Variants in LAMA2 observed in about 807,000 individuals in gnomAD.
LAMA2 encodes the protein laminin subunit alpha-2.
Under a neutral mutation model 364.8 loss-of-function variants are expected in LAMA2, and 269 were observed. The observed-to-expected ratio is 0.74, with a 90% CI of 0.67 to 0.82. The LOEUF (loss-of-function observed/expected upper bound fraction) is 0.82. Among genes scored for constraint, LAMA2 ranks in the 40% least tolerant of loss-of-function variants. The pLI is 0.00. For synonymous variants in LAMA2, 1,379 were observed against 1,370.6 expected, an observed-to-expected ratio of 1.01 and a Z score of -0.14; for missense variants, 3,807 against 3,873.2, an observed-to-expected ratio of 0.98 and a Z score of 0.45.
chr6:129,259,378 AC>A (rs1285228564), intron 14 of LAMA2, among the ~76,000 whole-genome samples: 1 of 152,104 alleles, frequency 6.6e-6, no homozygotes, highest in African/African-American at 2.4e-5. Flanking sequence ...TGAGAAAGGA[AC>A]TGAAAAATGC....
intron 58 of LAMA2, among the ~76,000 whole-genome samples, chr6:129,499,145 AT>A (rs2114877528): frequency 6.6e-6 from 1 of 152,304 alleles, no homozygotes; most frequent in South Asian, 2.1e-4. Flanking sequence ...AAACAAGCGT[AT>A]CTGTCCTCCT....
Position 129,252,135 on chromosome 6 carries a change from T to A in LAMA2, c.1936T>A (p.Ser646Thr), listed in dbSNP as rs933984722. 11 of 1,613,834 alleles carry A rather than the reference T, an allele frequency of 6.8e-6. No individual in the cohort carries two copies. The highest frequency in any genetic ancestry group is 9.3e-6 in the Non-Finnish European group (11 of 1,179,818). Residue 646 changes from serine (S) to threonine (T), a missense_variant, in exon 14 of 65, where the codon TCT (serine) becomes ACT (threonine). Ser to Thr is a moderately conservative substitution (Grantham distance 58). Coordinates refer to ENST00000421865, the MANE Select transcript of LAMA2 (RefSeq NM_000426.4). ...TAQDEVYLHP[S>T]EEHTNVLLLK... ...CCAAGATGAGGTGTACCTGCACCCA[T>A]CTGAAGAACATACTAATGTATTGTT...
chr6:129,430,643 G>A (rs1233757934), intron 41 of LAMA2, among the ~76,000 whole-genome samples: 1 of 152,140 alleles, frequency 6.6e-6, no homozygotes, highest in Admixed American at 6.6e-5. Context: ...ACCACCAGGT[G>A]AATGAACACT....
intron 1 of LAMA2, 135 bp downstream of exon 1, chr6:128,883,492 G>A: frequency 1.4e-6 from 2 of 1,428,140 alleles, no homozygotes; most frequent in Non-Finnish European, 1.9e-6. Context: ...TGGGGCAAGA[G>A]GAACTTGAAG....
intron 1 of LAMA2, among the ~76,000 whole-genome samples, chr6:128,993,380 G>A (rs1396292178): frequency 6.6e-6 from 1 of 152,086 alleles, no homozygotes; most frequent in East Asian, 1.9e-4. Flanking sequence ...GTGTTGCTAG[G>A]CAACCCGAGG....
chr6:129,352,559 G>A (rs78635757), intron 31 of LAMA2, among the ~76,000 whole-genome samples: 1,906 of 152,190 alleles, frequency 0.013, 46 homozygotes, highest in African/African-American at 0.044. Flanking sequence ...AAAATTAATG[G>A]GTTGTATTAT....
At chr6:129,504,073 G>A (rs1450686547) in intron 60 of LAMA2, among the ~76,000 whole-genome samples, 2 of 152,174 alleles carry the variant, frequency 1.3e-5, no homozygotes, top group African/African-American at 4.8e-5. Flanking sequence ...TTAATTTTCA[G>A]AGTACGATAT....
chr6:129,438,256 C>CAA (rs1781932111), intron 41 of LAMA2, among the ~76,000 whole-genome samples: 1 of 151,600 alleles, frequency 6.6e-6, no homozygotes, highest in Non-Finnish European at 1.5e-5. Flanking sequence ...AAATCTAATC[C>CAA]AATGATTCAT....
intron 2 of LAMA2, among the ~76,000 whole-genome samples, chr6:129,057,138 A>G (rs939557870): frequency 1.3e-5 from 2 of 152,002 alleles, no homozygotes; most frequent in Non-Finnish European, 2.9e-5. Flanking sequence ...TTGTTTTTTC[A>G]AATGTTTTAC....
chr6:129,301,090 C>G (rs1038979312), intron 22 of LAMA2, among the ~76,000 whole-genome samples: 3 of 151,982 alleles, frequency 2.0e-5, no homozygotes, highest in Admixed American at 1.3e-4. Context: ...TTGAAATCTA[C>G]AAGAGGGGTA....
At chr6:129,482,447 A>G (rs1177271159) in intron 55 of LAMA2, among the ~76,000 whole-genome samples, 2 of 152,110 alleles carry the variant, frequency 1.3e-5, no homozygotes, top group African/African-American at 4.8e-5. Context: ...GTAATTTTCC[A>G]TTTAATCTAG....
chr6:128,908,327 T>G (rs1777640769), intron 1 of LAMA2, among the ~76,000 whole-genome samples: 1 of 151,646 alleles, frequency 6.6e-6, no homozygotes, highest in South Asian at 2.1e-4. Flanking sequence ...GTTATTTGTC[T>G]ATTCAGAGAT....
intron 12 of LAMA2, 77 bp downstream of exon 12, chr6:129,192,930 T>A: frequency 7.2e-7 from 1 of 1,394,598 alleles, no homozygotes; most frequent in Non-Finnish European, 9.9e-7. Context: ...GTAATTCTTT[T>A]AAAGAAAGAC....
intron 16 of LAMA2, among the ~76,000 whole-genome samples, chr6:129,268,810 A>G (rs1787712362): frequency 1.3e-5 from 2 of 152,102 alleles, no homozygotes; most frequent in Admixed American, 6.6e-5. Context: ...ATTTTCCATC[A>G]TAGCTAGTAA....
In LAMA2 at chr6:129,366,202, T is replaced by A. The variant is rs1054246127; in HGVS notation, c.4718-17T>A. 1 of 1,613,742 alleles carries A rather than the reference T, an allele frequency of 6.2e-7. No individual in the cohort carries two copies. The highest frequency in any genetic ancestry group is 8.5e-7 in the Non-Finnish European group (1 of 1,179,916). On this transcript the variant is annotated splice_polypyrimidine_tract_variant and intron_variant, in intron 32 of 64. Coordinates refer to ENST00000421865, the MANE Select transcript of LAMA2 (RefSeq NM_000426.4). ...GTTTAGCAGAAGTAACTACTCTTTG[T>A]CACTTCTCTTTCACAGTTTGTGGAG...
At chr6:128,943,479 A>G (rs1481824401) in intron 1 of LAMA2, among the ~76,000 whole-genome samples, 3 of 150,912 alleles carry the variant, frequency 2.0e-5, no homozygotes, top group Non-Finnish European at 4.4e-5. Context: ...TTTTGAAGAG[A>G]CAGGGTTTTG....
intron 1 of LAMA2, among the ~76,000 whole-genome samples, chr6:128,915,944 A>G (rs756519985): frequency 1.3e-5 from 2 of 152,232 alleles, no homozygotes; most frequent in African/African-American, 2.4e-5. Context: ...CTAAAATAAG[A>G]TGTGTAATAC....
At chr6:129,145,058 G>C (rs1053513005) in intron 5 of LAMA2, among the ~76,000 whole-genome samples, 1 of 151,954 alleles carries the variant, frequency 6.6e-6, no homozygotes, top group Non-Finnish European at 1.5e-5. Context: ...CCTGTGAATA[G>C]AGTATCTACT....
chr6:129,254,630 A>G (rs1438603185), intron 14 of LAMA2, among the ~76,000 whole-genome samples: 1 of 152,220 alleles, frequency 6.6e-6, no homozygotes, highest in Non-Finnish European at 1.5e-5. Flanking sequence ...AGTTCTTACT[A>G]TCATTTTTAT....
Sources: gnomAD v4.1 joint callset for allele counts (sites outside exome capture counted in the v4.1 genomes callset) on GRCh38, gnomAD v4.1.1 for gene constraint, MANE v1.5 for transcripts, NCBI Gene and HGNC (gene_info 2026-07-23, HGNC 2026-07-21) for gene names.